Variants in CTBP2 observed in about 807,000 individuals in gnomAD.
The protein encoded by CTBP2 is C-terminal binding protein 2.
Under a neutral mutation model 80.3 loss-of-function variants are expected in CTBP2, and 30 were observed. The observed-to-expected ratio is 0.37, with a 90% CI of 0.28 to 0.51. The LOEUF (loss-of-function observed/expected upper bound fraction) is 0.51. CTBP2 is among the 20% of genes least tolerant of loss of function. CTBP2 has a pLI of 0.93. For missense variants in CTBP2, 1,212 were observed against 1,375.3 expected (o/e 0.88, Z 1.88); for synonymous variants, 594 against 587.4 (o/e 1.01, Z -0.16).
intron 1 of CTBP2, among the ~76,000 whole-genome samples, chr10:125,013,857 C>T (rs1354479480): frequency 2.0e-5 from 3 of 152,338 alleles, no homozygotes; most frequent in African/African-American, 4.8e-5. Context: ...GAAAGACAGA[C>T]ATCATCAGGC....
intron 1 of CTBP2, chr10:125,005,483 G>T: frequency 6.7e-7 from 1 of 1,492,022 alleles, no homozygotes; most frequent in African/African-American, 1.4e-5. Context: ...TCTGCACCAG[G>T]AAAACAGGGC....
At chr10:125,152,058 G>C (rs1860046475) in intron 1 of CTBP2, among the ~76,000 whole-genome samples, 1 of 152,112 alleles carries the variant, frequency 6.6e-6, no homozygotes, top group Non-Finnish European at 1.5e-5. Flanking sequence ...GGAGGGGCCA[G>C]GGTGGGGCCG....
At chr10:125,099,024 C>T (rs918017532) in intron 2 of CTBP2, among the ~76,000 whole-genome samples, 14 of 152,212 alleles carry the variant, frequency 9.2e-5, no homozygotes, top group Non-Finnish European at 1.3e-4. Context: ...CACGCGCTGT[C>T]GGTCTGCAAG....
intron 1 of CTBP2, among the ~76,000 whole-genome samples, chr10:125,025,837 C>A (rs1320721717): frequency 2.0e-5 from 3 of 152,224 alleles, no homozygotes; most frequent in African/African-American, 4.8e-5. Flanking sequence ...TACACATCAA[C>A]CCGACCTCAA....
intron 2 of CTBP2, among the ~76,000 whole-genome samples, chr10:125,064,474 G>A (rs1200308632): frequency 6.6e-5 from 10 of 152,128 alleles, no homozygotes; most frequent in Admixed American, 5.9e-4. Context: ...GTCACCCATC[G>A]GTCTCCGAAG....
intron 2 of CTBP2, among the ~76,000 whole-genome samples, chr10:125,104,792 G>T (rs1851207443): frequency 6.6e-6 from 1 of 152,236 alleles, no homozygotes; most frequent in Admixed American, 6.5e-5. Context: ...CCAGGTGGAA[G>T]TTGCCAAGTT....
At chr10:125,147,271 C>A (rs1417750208) in intron 1 of CTBP2, among the ~76,000 whole-genome samples, 1 of 152,208 alleles carries the variant, frequency 6.6e-6, no homozygotes, top group Non-Finnish European at 1.5e-5. Context: ...CCTGAGCGAC[C>A]CTTCTCAACA....
intron 1 of CTBP2, among the ~76,000 whole-genome samples, chr10:125,135,253 C>T (rs538770948): frequency 6.6e-6 from 1 of 152,240 alleles, no homozygotes; most frequent in South Asian, 2.1e-4. Flanking sequence ...CCTTTGTTCC[C>T]TGCAGCACCC....
At chr10:125,085,322 A>AT (rs1245731364) in intron 2 of CTBP2, among the ~76,000 whole-genome samples, 2 of 152,224 alleles carry the variant, frequency 1.3e-5, no homozygotes, top group Non-Finnish European at 2.9e-5. Flanking sequence ...ACAGCAATTT[A>AT]AGCAGCTGAG....
chr10:125,102,096 A>C (rs1248443839), intron 2 of CTBP2, among the ~76,000 whole-genome samples: 1 of 152,114 alleles, frequency 6.6e-6, no homozygotes, highest in African/African-American at 2.4e-5. Context: ...GTTTCATTGA[A>C]TCCCCACAAC....
chr10:125,010,219 T>TTTAAAA (rs552007928), intron 1 of CTBP2, among the ~76,000 whole-genome samples: 195 of 105,996 alleles, frequency 1.8e-3, no homozygotes, highest in African/African-American at 6.1e-3. Context: ...ATTTTAAGGT[T>TTTAAAA]AAAAAAAAAA....
chr10:125,034,348 G>A (rs1272072640), intron 3 of CTBP2, among the ~76,000 whole-genome samples: 3 of 152,182 alleles, frequency 2.0e-5, no homozygotes, highest in Non-Finnish European at 2.9e-5. Context: ...GCAAAGAACC[G>A]CACTTTTGTC....
Position 125,010,452 on chromosome 10 carries a change from T to C in CTBP2, c.1679-6960A>G, listed in dbSNP as rs1358371481. On this transcript the variant is annotated intron_variant, in intron 1 of 8. Transcript: ENST00000309035. The stretch of plus-strand genomic sequence containing the variant: ...TCCCCCAGAATGGAGAACCCAATCC[T>C]TGAGTTTTAAGTATCACCTGACACG... Among the ~76,000 whole-genome samples, 3 of 152,166 alleles carry C rather than the reference T, an allele frequency of 2.0e-5. No homozygotes were observed. The East Asian group carries it at 5.8e-4, about 29-fold the overall frequency.
chr10:125,073,745 C>T (rs901414386), intron 2 of CTBP2, among the ~76,000 whole-genome samples: 1 of 152,186 alleles, frequency 6.6e-6, no homozygotes, highest in Non-Finnish European at 1.5e-5. Context: ...TCTCTTAGAA[C>T]ATAGTGAAGT....
At chr10:125,039,155 C>T (rs1486173909) in exon 3 of CTBP2, 22 of 989,148 alleles carry the variant, frequency 2.2e-5, no homozygotes, top group Non-Finnish European at 3.2e-5. Context: ...CACTATGAAC[C>T]CTGAAACAAG....
intron 1 of CTBP2, among the ~76,000 whole-genome samples, chr10:125,011,744 C>T (rs777746279): frequency 3.3e-5 from 5 of 152,216 alleles, no homozygotes; most frequent in Non-Finnish European, 7.3e-5. Context: ...AGGAGCACAG[C>T]GGGCCCAGAA....
chr10:125,129,935 C>T (rs1005662504), intron 1 of CTBP2, among the ~76,000 whole-genome samples: 3 of 152,148 alleles, frequency 2.0e-5, no homozygotes, highest in Non-Finnish European at 4.4e-5. Context: ...CCGAAAAGGG[C>T]CCTCTGGGAA....
rs1011252882 is a variant in CTBP2, at chr10:125,062,735, G to A, written c.-101-23580C>T. ...AAATTAGCCGGGTGCGGTGGCACAC[G>A]CCTGTAATCCCAGCTACTCAGGAGG... On this transcript the variant is annotated intron_variant, in intron 2 of 10. Coordinates refer to the CTBP2 transcript ENST00000337195. Among the ~76,000 whole-genome samples the A allele has an allele frequency of 3.9e-5, 6 of 152,190 alleles. No homozygotes were observed. The East Asian group carries it at 7.7e-4, about 20-fold the overall frequency.
chr10:125,073,038 G>A (rs919832153), intron 2 of CTBP2, among the ~76,000 whole-genome samples: 3 of 152,230 alleles, frequency 2.0e-5, no homozygotes, highest in Non-Finnish European at 4.4e-5. Context: ...CAAGAACACA[G>A]TGTCAGAGAA....
Sources: allele counts gnomAD v4.1 joint callset (sites outside exome capture counted in the v4.1 genomes callset), GRCh38; gene constraint gnomAD v4.1.1; transcripts MANE v1.5; gene names NCBI Gene and HGNC (gene_info 2026-07-23, HGNC 2026-07-21).